The following AP1B1 variants were observed in gnomAD, a reference collection of about 807,000 sequenced individuals.
AP1B1 encodes adaptor related protein complex 1 subunit beta 1.
In AP1B1, 36 loss-of-function variants were observed where a neutral mutation model predicts 104.3. The observed-to-expected ratio is 0.35, with a 90% CI of 0.26 to 0.46. The LOEUF is 0.46. AP1B1 is among the 20% of genes least tolerant of loss of function. AP1B1 has a pLI of 1.00. For missense variants in AP1B1, 901 were observed against 1,247.9 expected (o/e 0.72, Z 4.19); for synonymous variants, 504 against 517.5 (o/e 0.97, Z 0.35).
chr22:29,356,467 G>A lies in AP1B1; in HGVS notation c.675C>T (p.Cys225=), dbSNP rs1429509148. ...TEWGQIFILD[C]LANYMPKDDR... is the part of the protein sequence containing the mutation. ...CGTCCTTGGGCATATAGTTGGCGAG[G>A]CAGTCCAGGATGAAGATCTGGCCCC... The change falls in exon 6 of 23, where the codon TGC becomes TGT. Residue 225 remains cysteine, a synonymous_variant. Transcript: ENST00000357586. 10 of 1,614,222 alleles carry A rather than the reference G, an allele frequency of 6.2e-6. No homozygotes were observed. Among genetic ancestry groups the A allele is most frequent in the Middle Eastern group, 3.3e-4 (2 of 6,062 alleles).
At chr22:29,374,015 T>C (rs1004475112) in intron 1 of AP1B1, among the ~76,000 whole-genome samples, 6 of 150,838 alleles carry the variant, frequency 4.0e-5, no homozygotes, top group African/African-American at 1.5e-4. Flanking sequence ...CTGGCCAACA[T>C]GGCAAAACCC....
At chr22:29,343,565 G>A (rs2061745316) in intron 11 of AP1B1, among the ~76,000 whole-genome samples, 1 of 152,246 alleles carries the variant, frequency 6.6e-6, no homozygotes, top group Admixed American at 6.5e-5. Flanking sequence ...GGCAGCCAAT[G>A]GGAAGCCGTT....
chr22:29,382,957 C>G (rs988923768), intron 1 of AP1B1, among the ~76,000 whole-genome samples: 1 of 152,168 alleles, frequency 6.6e-6, no homozygotes, highest in Non-Finnish European at 1.5e-5. Context: ...TAAGTTCTGG[C>G]TGCTATGCCT....
At chr22:29,341,855 G>T in intron 12 of AP1B1, 95 bp from the exon 13 acceptor site, 2 of 1,419,200 alleles carry the variant, frequency 1.4e-6, no homozygotes, top group Non-Finnish European at 9.5e-7. Context: ...CGGCACAGGG[G>T]TGGCCAATGG....
At chr22:29,333,708 C>T (rs1033172668) in intron 17 of AP1B1, among the ~76,000 whole-genome samples, 3 of 152,060 alleles carry the variant, frequency 2.0e-5, no homozygotes, top group South Asian at 2.1e-4. Flanking sequence ...AAAAGAAAGA[C>T]GTCCTTTCCC....
chr22:29,331,375 A>G lies in AP1B1; in HGVS notation c.2524+74T>C, dbSNP rs966755933. ...AAGGCAGTCCATCTGGACCTTGGTA[A>G]AGGCACCACCTTGGCCAGGTTCCCA... On this transcript the variant is annotated intron_variant, in intron 19 of 22. Coordinates refer to ENST00000357586, the MANE Select transcript of AP1B1 (RefSeq NM_001127.4). The G allele has an allele frequency of 5.4e-5, 78 of 1,447,784 alleles. No homozygotes were observed. The African/African-American group carries it at 9.4e-4, about 17-fold the overall frequency. The allele number at this position is 1,447,784 out of a possible 1,614,324, so 89.7% of individuals were successfully genotyped here.
At position 29,342,161 on chromosome 22, in the gene AP1B1, A is replaced by C. The variant is rs1456147836; in HGVS notation, c.1536+124T>G. 3.9e-6 allele frequency: 3 copies of C among 776,126 alleles called. No homozygotes were observed. In the Admixed American group the frequency reaches 8.3e-5, roughly 21 times the overall value. 48.1% of individuals were successfully genotyped at this position (776,126 alleles called of 1,614,324 possible). A position where few individuals can be genotyped will look rare whatever the true frequency, so the allele number is the denominator to read the frequency against. Reference sequence around the variant, plus strand: ...TTGGGTAACTCTGGGGCTGGAAGCCAGTCCCACCCACAAGATACCTGTCTT... The same window carrying C: ...TTGGGTAACTCTGGGGCTGGAAGCCCGTCCCACCCACAAGATACCTGTCTT... On this transcript the variant is annotated intron_variant, in intron 12 of 22. Coordinates refer to ENST00000357586, the MANE Select transcript of AP1B1 (RefSeq NM_001127.4).
chr22:29,380,955 T>C lies in AP1B1; in HGVS notation c.-28+7469A>G, dbSNP rs143633819. Among the ~76,000 whole-genome samples, 1,370 of 152,236 alleles carry C rather than the reference T, an allele frequency of 9.0e-3. 23 individuals carry two copies. Among genetic ancestry groups the C allele is most frequent in the African/African-American group, 0.032 (1,316 of 41,526 alleles). On this transcript the variant is annotated intron_variant, in intron 1 of 22. Coordinates refer to ENST00000357586, the MANE Select transcript of AP1B1 (RefSeq NM_001127.4). Reference sequence around the variant, plus strand: ...TCCTATAAGAGATGCATGCCCCTCCTCTCTCACGCATGCACCCTGCTGGCC... The same window carrying C: ...TCCTATAAGAGATGCATGCCCCTCCCCTCTCACGCATGCACCCTGCTGGCC...
At position 29,334,296 on chromosome 22, in the gene AP1B1, T is replaced by C. The variant is rs1376413590; in HGVS notation, c.2278A>G (p.Thr760Ala). 6.2e-7 allele frequency: 1 copy of C among 1,607,198 alleles called. No individual in the cohort carries two copies. The highest frequency in any genetic ancestry group is 8.5e-7 in the Non-Finnish European group (1 of 1,177,822). ...CGGTTGAACTGGATGGCAAAGTCGG[T>C]CATGACCTGCAAGGCCTTGTTGGTC... ...QLTNKALQVM[T>A]DFAIQFNRNS... is the part of the protein sequence containing the mutation. Residue 760 changes from threonine to alanine, a missense_variant, in exon 17 of 23, where the codon ACC becomes GCC. This residue lies in a region of AP1B1 where 424 missense variants were observed against 494.0 expected (regional missense o/e 0.86). Coordinates refer to ENST00000357586, the MANE Select transcript of AP1B1 (RefSeq NM_001127.4).
At position 29,331,492 on chromosome 22, in the gene AP1B1, G is replaced by C; in HGVS notation, c.2481C>G (p.Thr827=). The C allele has an allele frequency of 6.2e-7, 1 of 1,614,174 alleles. No individual in the cohort carries two copies. The highest frequency in any genetic ancestry group is 8.5e-7 in the Non-Finnish European group (1 of 1,180,016). ...KNNIDVFYFS[T]LYPLHILFVE... ...CAAAGAGGATGTGCAGTGGGTACAA[G>C]GTGCTGAAGTAGAAGACATCGATGT... The change falls in exon 19 of 23, where the codon ACC becomes ACG. Residue 827 remains threonine (T), a synonymous_variant. Transcript: ENST00000357586.
intron 2 of AP1B1, 81 bp downstream of exon 2, chr22:29,367,126 A>C (rs1480526785): frequency 7.5e-7 from 1 of 1,326,352 alleles, no homozygotes; most frequent in Admixed American, 1.7e-5. Flanking sequence ...TCCCACCCCT[A>C]CTCCCTACCG....
chr22:29,337,548 T>A (rs1210785165), intron 16 of AP1B1, among the ~76,000 whole-genome samples: 1 of 152,152 alleles, frequency 6.6e-6, no homozygotes, highest in East Asian at 1.9e-4. Context: ...AACTGTATCC[T>A]GCTTTGGGGT....
In AP1B1 at chr22:29,358,944, G is replaced by A. The variant is rs772755805; in HGVS notation, c.307C>T (p.Arg103Ter). ...KDCEDPNPLIRALAVRTMGCI... is the reference protein window; with the variant it reads ...KDCEDPNPLI ...CCCATGGTCCGCACTGCCAGGGCTC[G>A]GATGAGGGGGTTGGGGTCCTCACAG... Residue 103 changes from arginine to a stop codon, truncating the protein, a stop_gained, in exon 5 of 23, where the codon CGA (arginine) becomes TGA (stop). Coordinates refer to ENST00000357586, the MANE Select transcript of AP1B1 (RefSeq NM_001127.4). LOFTEE classifies it high-confidence loss of function. 4 of 1,611,536 alleles carry A rather than the reference G, an allele frequency of 2.5e-6. No homozygotes were observed. The highest frequency in any genetic ancestry group is 1.3e-5 in the African/African-American group (1 of 75,004).
chr22:29,377,453 A>G (rs1022103796), intron 1 of AP1B1, among the ~76,000 whole-genome samples: 3 of 152,178 alleles, frequency 2.0e-5, no homozygotes, highest in Admixed American at 6.5e-5. Flanking sequence ...CAAAGGTGGC[A>G]GTGGTAGTAG....
intron 11 of AP1B1, among the ~76,000 whole-genome samples, chr22:29,347,434 CAG>C (rs1307487183): frequency 6.6e-6 from 1 of 152,130 alleles, no homozygotes; most frequent in East Asian, 1.9e-4. Flanking sequence ...AACTGAGGCT[CAG>C]AGAGTTAAAG....
chr22:29,341,635 G>A lies in AP1B1; in HGVS notation c.1662C>T (p.Leu554=). The part of the protein sequence containing the change: ...EKPLISEETD[L]IEPTLLDELI... ...GCTCGTCTAACAGTGTGGGCTCGAT[G>A]AGGTCCGTCTCTTCAGAGATGAGTG... Residue 554 remains leucine, a synonymous_variant, in exon 13 of 23, where the codon CTC becomes CTT. Transcript: ENST00000357586. The A allele has an allele frequency of 6.2e-7, 1 of 1,614,242 alleles. No individual in the cohort carries two copies. Among genetic ancestry groups the A allele is most frequent in the Non-Finnish European group, 8.5e-7 (1 of 1,180,036 alleles).
At chr22:29,385,167 T>C (rs1410395156) in intron 1 of AP1B1, among the ~76,000 whole-genome samples, 4 of 152,174 alleles carry the variant, frequency 2.6e-5, no homozygotes, top group Admixed American at 1.3e-4. Flanking sequence ...GAAGGACTGC[T>C]TGAGGCCAGG....
At chr22:29,357,066 T>G (rs199945451) in intron 5 of AP1B1, among the ~76,000 whole-genome samples, 6 of 68,010 alleles carry the variant, frequency 8.8e-5, no homozygotes, top group East Asian at 3.3e-3. Flanking sequence ...TTTTTTGTTT[T>G]TTGTTTTTTT....
chr22:29,359,293 C>T (rs565630039), intron 4 of AP1B1, among the ~76,000 whole-genome samples: 3 of 152,194 alleles, frequency 2.0e-5, no homozygotes, highest in Non-Finnish European at 4.4e-5. Flanking sequence ...AAACCCACAT[C>T]CACCTAGCAT....
Sources: allele counts gnomAD v4.1 joint callset (sites outside exome capture counted in the v4.1 genomes callset), GRCh38; gene constraint gnomAD v4.1.1; regional missense constraint gnomAD v4.1.1; transcripts MANE v1.5; gene names NCBI Gene and HGNC (gene_info 2026-07-23, HGNC 2026-07-21).